Variants in ADGRB3 observed in about 807,000 individuals in gnomAD.
ADGRB3 encodes adhesion G protein-coupled receptor B3.
ADGRB3 carries 37 observed loss-of-function variants against 193.4 expected under a neutral mutation model. That is an observed-to-expected ratio of 0.19 (90% CI 0.15 to 0.25). The LOEUF (loss-of-function observed/expected upper bound fraction) is 0.25, where lower values mean the gene tolerates loss of function less well. Ranked by LOEUF, ADGRB3 falls within the 10% of genes least tolerant of loss-of-function variation. ADGRB3 has a pLI of 1.00. For synonymous variants in ADGRB3, 690 were observed against 644.2 expected (o/e 1.07, Z -1.08); for missense variants, 1,637 against 1,852.9 (o/e 0.88, Z 2.14).
chr6:69,180,749 G>A (rs548823315), intron 17 of ADGRB3, among the ~76,000 whole-genome samples: 12 of 152,266 alleles, frequency 7.9e-5, no homozygotes, highest in African/African-American at 2.9e-4. Flanking sequence ...CTGCTGAGCT[G>A]CTTTCCACAG....
chr6:69,341,156 G>A (rs574303616), intron 26 of ADGRB3, among the ~76,000 whole-genome samples: 197 of 152,162 alleles, frequency 1.3e-3, no homozygotes, highest in Non-Finnish European at 9.0e-4. Flanking sequence ...GGGTCAAATG[G>A]TATTTCTAGT....
Position 69,204,620 on chromosome 6 carries a change from A to C in ADGRB3, c.2481-28670A>C, listed in dbSNP as rs1315270764. 5.3e-5 allele frequency among the ~76,000 whole-genome samples: 8 copies of C among 152,264 alleles called. No individual in the cohort carries two copies. The East Asian group carries it at 1.5e-3, about 29-fold the overall frequency. ...TCCAATACCATCATTTGAAAAATAC[A>C]TGAAGAGCTGGGTTCATAAAATTAA... On this transcript the variant is annotated intron_variant, in intron 17 of 31. Transcript: ENST00000370598.
At chr6:69,276,557 A>G (rs541535976) in intron 20 of ADGRB3, among the ~76,000 whole-genome samples, 74 of 152,316 alleles carry the variant, frequency 4.9e-4, no homozygotes, top group African/African-American at 1.7e-3. Flanking sequence ...TTTTTTAAAT[A>G]CACATTTACA....
chr6:69,141,821 G>C (rs1016369580), intron 17 of ADGRB3, among the ~76,000 whole-genome samples: 10 of 152,208 alleles, frequency 6.6e-5, no homozygotes, highest in African/African-American at 2.4e-4. Flanking sequence ...TTATGACCAA[G>C]TTCAAGTGCT....
intron 3 of ADGRB3, among the ~76,000 whole-genome samples, chr6:68,798,473 T>G (rs7769724): frequency 0.79 from 118,316 of 150,024 alleles, 46,866 homozygotes; most frequent in Middle Eastern, 0.9. Context: ...GATAGTTGGG[T>G]GTTGAACTAT....
intron 17 of ADGRB3, among the ~76,000 whole-genome samples, chr6:69,215,629 G>A (rs141309299): frequency 2.0e-4 from 30 of 151,958 alleles, no homozygotes; most frequent in Non-Finnish European, 4.0e-4. Flanking sequence ...ACCTATAAGA[G>A]ATATAATGTA....
At chr6:68,765,877 T>A (rs1766499297) in intron 3 of ADGRB3, among the ~76,000 whole-genome samples, 1 of 152,038 alleles carries the variant, frequency 6.6e-6, no homozygotes, top group African/African-American at 2.4e-5. Flanking sequence ...TTTTTATTCT[T>A]GGTCAATTTT....
chr6:69,129,492 T>G (rs1561928230), intron 17 of ADGRB3, among the ~76,000 whole-genome samples: 1 of 152,024 alleles, frequency 6.6e-6, no homozygotes, highest in Non-Finnish European at 1.5e-5. Context: ...TAAAAAAACA[T>G]AAGAACATTG....
At chr6:68,736,962 G>T (rs1476398036) in intron 3 of ADGRB3, among the ~76,000 whole-genome samples, 2 of 151,798 alleles carry the variant, frequency 1.3e-5, no homozygotes, top group African/African-American at 4.8e-5. Context: ...CTTTTGATAA[G>T]GATATTTTCC....
intron 3 of ADGRB3, among the ~76,000 whole-genome samples, chr6:68,871,364 T>C (rs1233169793): frequency 2.6e-5 from 4 of 152,178 alleles, no homozygotes; most frequent in African/African-American, 9.7e-5. Context: ...AAGACTTGCA[T>C]TAATTCCCTT....
chr6:69,090,501 A>G (rs924412133), intron 17 of ADGRB3, among the ~76,000 whole-genome samples: 1 of 152,184 alleles, frequency 6.6e-6, no homozygotes, highest in African/African-American at 2.4e-5. Flanking sequence ...TTACTCATTC[A>G]CTTTTTCACA....
At chr6:69,345,519 A>G (rs897175855) in intron 26 of ADGRB3, among the ~76,000 whole-genome samples, 8 of 152,220 alleles carry the variant, frequency 5.3e-5, no homozygotes, top group Admixed American at 1.3e-4. Context: ...GATTATCTCA[A>G]TAGATGCAGA....
intron 3 of ADGRB3, among the ~76,000 whole-genome samples, chr6:68,673,974 T>TA (rs1769024670): frequency 1.3e-5 from 2 of 152,162 alleles, no homozygotes; most frequent in African/African-American, 4.8e-5. Context: ...TAAGGAAATT[T>TA]AAAATAATTA....
chr6:68,676,579 T>C (rs1769098030), intron 3 of ADGRB3, among the ~76,000 whole-genome samples: 1 of 152,182 alleles, frequency 6.6e-6, no homozygotes, highest in South Asian at 2.1e-4. Context: ...TAAGCGACTA[T>C]GTTGTGAATC....
intron 3 of ADGRB3, among the ~76,000 whole-genome samples, chr6:68,763,023 T>A (rs1319432904): frequency 6.6e-6 from 1 of 152,202 alleles, no homozygotes; most frequent in African/African-American, 2.4e-5. Flanking sequence ...TTTAATTAAT[T>A]AATACTATAA....
intron 11 of ADGRB3, among the ~76,000 whole-genome samples, chr6:69,012,218 G>T (rs563679850): frequency 7.0e-4 from 106 of 151,704 alleles, no homozygotes; most frequent in Non-Finnish European, 1.3e-3. Context: ...TTTTTGTTTT[G>T]TTTTGTTTTG....
chr6:69,297,344 CTCTCTCTCTCTCTCTCTCTCTCTT>C (rs1391306101), intron 20 of ADGRB3, among the ~76,000 whole-genome samples: 3 of 116,000 alleles, frequency 2.6e-5, no homozygotes, highest in Admixed American at 1.8e-4. Flanking sequence ...ACTGATATCT[CTCTCTCTCTCTCTCTCTCTCTCTT>C]TCTCTCTCTC....
At chr6:68,995,163 C>G (rs1483889435) in intron 11 of ADGRB3, among the ~76,000 whole-genome samples, 1 of 152,104 alleles carries the variant, frequency 6.6e-6, no homozygotes, top group Non-Finnish European at 1.5e-5. Context: ...TTCAAAGATG[C>G]TTTTCTCTTA....
intron 17 of ADGRB3, among the ~76,000 whole-genome samples, chr6:69,225,573 G>A (rs1164199761): frequency 1.3e-5 from 2 of 152,056 alleles, no homozygotes; most frequent in Non-Finnish European, 2.9e-5. Context: ...ACAACCTGTG[G>A]GCTCCATTTA....
Sources: gnomAD v4.1 joint callset for allele counts (sites outside exome capture counted in the v4.1 genomes callset) on GRCh38, gnomAD v4.1.1 for gene constraint, MANE v1.5 for transcripts, NCBI Gene and HGNC (gene_info 2026-07-23, HGNC 2026-07-21) for gene names.